GALNTL6: variants seen among roughly 807,000 people sequenced by gnomAD.
GALNTL6 encodes the protein polypeptide N-acetylgalactosaminyltransferase like 6, also known as polypeptide N-acetylgalactosaminyltransferase-like 6.
A neutral mutation model predicts 73.7 loss-of-function variants in GALNTL6; 46 were observed. The ratio of observed to expected loss-of-function variants is 0.62; its 90% CI spans 0.49 to 0.80. The LOEUF is 0.80. Among genes scored for constraint, GALNTL6 ranks in the 30% least tolerant of loss-of-function variants. GALNTL6 has a pLI of 0.00. For synonymous variants in GALNTL6, 259 were observed against 263.7 expected (o/e 0.98, Z 0.17); for missense variants, 604 against 755.0 (o/e 0.80, Z 2.34).
At chr4:172,467,227 A>G (rs1467048230) in intron 5 of GALNTL6, among the ~76,000 whole-genome samples, 1 of 152,244 alleles carries the variant, frequency 6.6e-6, no homozygotes, top group East Asian at 1.9e-4. Flanking sequence ...ATCTATTCCT[A>G]CATAGATGTA....
intron 3 of GALNTL6, among the ~76,000 whole-genome samples, chr4:172,284,704 T>C (rs975371459): frequency 1.3e-5 from 2 of 152,252 alleles, no homozygotes; most frequent in East Asian, 3.9e-4. Context: ...CTTTTGCATG[T>C]GGCTATCTAA....
At chr4:172,826,608 C>T (rs534564341) in intron 7 of GALNTL6, among the ~76,000 whole-genome samples, 217 of 152,332 alleles carry the variant, frequency 1.4e-3, no homozygotes, top group Non-Finnish European at 2.5e-3. Context: ...GTCTGGAAAA[C>T]CCAGTTCACA....
At chr4:172,460,042 T>G (rs1052023135) in intron 5 of GALNTL6, among the ~76,000 whole-genome samples, 7 of 151,634 alleles carry the variant, frequency 4.6e-5, no homozygotes, top group African/African-American at 1.7e-4. Flanking sequence ...ACGGAACAGA[T>G]CAGAGGCCTC....
intron 5 of GALNTL6, among the ~76,000 whole-genome samples, chr4:172,728,616 T>G (rs1002392960): frequency 4.6e-5 from 7 of 152,182 alleles, no homozygotes; most frequent in Admixed American, 3.9e-4. Context: ...TTTTGGCTAT[T>G]GTGAATAGTG....
intron 5 of GALNTL6, among the ~76,000 whole-genome samples, chr4:172,656,764 A>C (rs1343934259): frequency 6.6e-6 from 1 of 152,230 alleles, no homozygotes; most frequent in Non-Finnish European, 1.5e-5. Flanking sequence ...TCTAACAAAT[A>C]ACTTGTCTGT....
chr4:172,895,838 G>A (rs1239386866), intron 8 of GALNTL6, among the ~76,000 whole-genome samples: 4 of 151,748 alleles, frequency 2.6e-5, no homozygotes, highest in South Asian at 2.1e-4. Context: ...TCTTCTGTCC[G>A]TATATTTTCA....
At chr4:172,899,093 C>T (rs899079437) in intron 8 of GALNTL6, among the ~76,000 whole-genome samples, 2 of 152,172 alleles carry the variant, frequency 1.3e-5, no homozygotes, top group East Asian at 1.9e-4. Context: ...AGGAATAGCT[C>T]ATTCAGGGAG....
rs184784662 is a variant in GALNTL6, at chr4:172,027,015, G to A, written c.139-202641G>A. On this transcript the variant is annotated intron_variant, in intron 2 of 12. Coordinates refer to ENST00000506823, the MANE Select transcript of GALNTL6 (RefSeq NM_001034845.3). ...AGTGATCTTTCCACCTCAGACTCTC[G>A]AGTATGTGGGACTACAGGTGCATGC... is the stretch of plus-strand genomic sequence containing the variant. 1.8e-3 allele frequency among the ~76,000 whole-genome samples: 267 copies of A among 151,656 alleles called. 1 individual carries two copies. The highest frequency in any genetic ancestry group is 2.9e-3 in the Non-Finnish European group (200 of 67,940).
At chr4:172,313,019 A>G (rs529299104) in intron 4 of GALNTL6, among the ~76,000 whole-genome samples, 4 of 152,230 alleles carry the variant, frequency 2.6e-5, no homozygotes, top group African/African-American at 9.6e-5. Context: ...GTTACGAGAA[A>G]TTTTAATACC....
rs967373828 is a variant in GALNTL6 at position 173,040,728 on chromosome 4, C to T, written c.*628C>T. On this transcript the variant is annotated 3_prime_UTR_variant, in exon 13 of 13. Coordinates refer to ENST00000506823, the MANE Select transcript of GALNTL6 (RefSeq NM_001034845.3). Reference sequence around the variant, plus strand: ...TGGACATCCAGTGTTCCCATTCTTTCGTTTATATTTGCCATTTTTTTTTCA... The same window carrying T: ...TGGACATCCAGTGTTCCCATTCTTTTGTTTATATTTGCCATTTTTTTTTCA... 1.1e-4 allele frequency: 16 copies of T among 152,286 alleles called. No homozygotes were observed. The highest frequency in any genetic ancestry group is 3.1e-4 in the African/African-American group (13 of 41,312). The allele number at this position is 152,286 out of a possible 1,614,324, so 9.4% of individuals were successfully genotyped here. A position where few individuals can be genotyped will look rare whatever the true frequency, so the allele number is the denominator to read the frequency against.
chr4:172,435,783 C>A (rs182027443), intron 5 of GALNTL6, among the ~76,000 whole-genome samples: 5 of 151,738 alleles, frequency 3.3e-5, no homozygotes, highest in African/African-American at 1.2e-4. Flanking sequence ...AACTAGTAAA[C>A]GTCTGATTCT....
At chr4:172,803,890 C>CT (rs1425990176) in intron 5 of GALNTL6, among the ~76,000 whole-genome samples, 1 of 152,054 alleles carries the variant, frequency 6.6e-6, no homozygotes, top group Non-Finnish European at 1.5e-5. Context: ...CTTAGATGGA[C>CT]TTTTTTGTGC....
chr4:173,011,548 G>C (rs980519807), intron 11 of GALNTL6, among the ~76,000 whole-genome samples: 1 of 152,034 alleles, frequency 6.6e-6, no homozygotes, highest in Non-Finnish European at 1.5e-5. Flanking sequence ...CAAGAGATGG[G>C]GTCAATCTAC....
chr4:172,122,448 T>C (rs1733177508), intron 2 of GALNTL6, among the ~76,000 whole-genome samples: 1 of 152,166 alleles, frequency 6.6e-6, no homozygotes, highest in South Asian at 2.1e-4. Flanking sequence ...TTGGTGAACT[T>C]TCTGTGTGAC....
intron 5 of GALNTL6, among the ~76,000 whole-genome samples, chr4:172,804,437 C>T (rs1354241186): frequency 6.6e-6 from 1 of 152,188 alleles, no homozygotes; most frequent in East Asian, 1.9e-4. Flanking sequence ...TAGGTATGTA[C>T]TTAAACATAG....
In GALNTL6 at chr4:172,066,421, T is replaced by A. The variant is rs568845968; in HGVS notation, c.139-163235T>A. 6.0e-4 allele frequency among the ~76,000 whole-genome samples: 92 copies of A among 152,320 alleles called. 1 individual carries two copies. The highest frequency in any genetic ancestry group is 2.1e-3 in the African/African-American group (89 of 41,562). ...TATTTCCGCCATGTCTTTTCATGAC[T>A]TTCTTTGCTTTAGTAAGATAAATCT... On this transcript the variant is annotated intron_variant, in intron 2 of 12. Coordinates refer to ENST00000506823, the MANE Select transcript of GALNTL6 (RefSeq NM_001034845.3).
At chr4:172,273,230 AAATAT>A (rs1561000704) in intron 3 of GALNTL6, among the ~76,000 whole-genome samples, 2 of 152,326 alleles carry the variant, frequency 1.3e-5, no homozygotes, top group African/African-American at 2.4e-5. Context: ...TATTTTTAAA[AAATAT>A]AATATATGTT....
At chr4:172,673,862 T>C (rs988003362) in intron 5 of GALNTL6, among the ~76,000 whole-genome samples, 2 of 152,220 alleles carry the variant, frequency 1.3e-5, no homozygotes, top group African/African-American at 4.8e-5. Flanking sequence ...CTTATGTGTG[T>C]CATTACATGT....
rs544778169 is a variant in GALNTL6, at chr4:172,088,963, T to C, written c.139-140693T>C. Among the ~76,000 whole-genome samples the C allele has an allele frequency of 3.9e-5, 6 of 152,246 alleles. No homozygotes were observed. The East Asian group carries it at 1.2e-3, about 29-fold the overall frequency. ...TTAAAGTAGGGTTGGTAGCTATGGA[T>C]AGAGAAATCAGGGTAGTAATCAAGT... On this transcript the variant is annotated intron_variant, in intron 2 of 12. Transcript: ENST00000506823.
Sources: gnomAD v4.1 joint callset for allele counts (sites outside exome capture counted in the v4.1 genomes callset) on GRCh38, gnomAD v4.1.1 for gene constraint, MANE v1.5 for transcripts, NCBI Gene and HGNC (gene_info 2026-07-23, HGNC 2026-07-21) for gene names.